Variants in MRE11 observed in about 807,000 individuals in gnomAD.
MRE11 encodes double-strand break repair protein MRE11.
In MRE11, 62 loss-of-function variants were observed where a neutral mutation model predicts 91.7. The ratio of observed to expected loss-of-function variants is 0.68; its 90% CI spans 0.55 to 0.84. MRE11 has a LOEUF of 0.84. Among genes scored for constraint, MRE11 ranks in the 40% least tolerant of loss-of-function variants. The pLI, the probability that MRE11 is intolerant of heterozygous loss-of-function variation, is 0.00. For synonymous variants in MRE11, 273 were observed against 271.4 expected (o/e 1.01, Z -0.06); for missense variants, 796 against 852.9 (o/e 0.93, Z 0.83).
At chr11:94,509,520 G>A in the MRE11 span, among the ~76,000 whole-genome samples, 2 of 152,124 alleles carry the variant, frequency 1.3e-5, no homozygotes, top group Admixed American at 1.3e-4. Flanking sequence ...TCAGCTCACT[G>A]CAACCTCTAC....
intron 18 of MRE11, among the ~76,000 whole-genome samples, chr11:94,432,970 TACAACAC>T (rs1434719752): frequency 6.6e-6 from 1 of 152,266 alleles, no homozygotes; most frequent in East Asian, 1.9e-4. Context: ...TATCATTCCC[TACAACAC>T]ATCTGTCCTT....
chr11:94,471,674 A>C lies in MRE11; in HGVS notation c.745T>G (p.Cys249Gly). Residue 249 changes from cysteine (C) to glycine (G), a missense_variant, in exon 8 of 20, where the codon TGT becomes GGT. Coordinates refer to ENST00000323929, the MANE Select transcript of MRE11 (RefSeq NM_005591.4). ...TCATTTTTGGTTGGAGCTATTTTACACTCATGTTCATGGCCCCAGATAACA... is the reference window on the plus strand; with the variant it reads ...TCATTTTTGGTTGGAGCTATTTTACCCTCATGTTCATGGCCCCAGATAACA... Reference protein sequence around the residue: ...DLVIWGHEHECKIAPTKNEQQ... With the variant: ...DLVIWGHEHEGKIAPTKNEQQ... The C allele has an allele frequency of 6.2e-7, 1 of 1,612,780 alleles. No homozygotes were observed. The highest frequency in any genetic ancestry group is 8.5e-7 in the Non-Finnish European group (1 of 1,179,182).
At chr11:94,426,109 A>C (rs1350108102) in intron 19 of MRE11, among the ~76,000 whole-genome samples, 1 of 152,324 alleles carries the variant, frequency 6.6e-6, no homozygotes, top group East Asian at 1.9e-4. Flanking sequence ...CAAAAAAATC[A>C]AAATCATACC....
At chr11:94,454,800 C>CTTT (rs1341523612) in intron 14 of MRE11, among the ~76,000 whole-genome samples, 1 of 151,916 alleles carries the variant, frequency 6.6e-6, no homozygotes, top group East Asian at 1.9e-4. Flanking sequence ...CTCACTCAAA[C>CTTT]GTAAAGAAAT....
chr11:94,453,288 A>G (rs1054765054), intron 14 of MRE11, among the ~76,000 whole-genome samples: 4 of 152,174 alleles, frequency 2.6e-5, no homozygotes, highest in Non-Finnish European at 5.9e-5. Context: ...TGCTACGAAC[A>G]CTGATGTACA....
chr11:94,422,902 G>A (rs780114248), intron 19 of MRE11, among the ~76,000 whole-genome samples: 21 of 151,984 alleles, frequency 1.4e-4, no homozygotes, highest in Non-Finnish European at 2.2e-4. Context: ...CAGTAGAGAC[G>A]GGGTTTCTCC....
chr11:94,501,776 C>T, the MRE11 span, among the ~76,000 whole-genome samples: 36 of 151,712 alleles, frequency 2.4e-4, no homozygotes, highest in East Asian at 2.5e-3. Flanking sequence ...AAAAACCCCT[C>T]GGTTTTCTCA....
chr11:94,483,627 C>G (rs1405244503), intron 4 of MRE11: 1 of 152,498 alleles, frequency 6.6e-6, no homozygotes, highest in Non-Finnish European at 1.5e-5. Flanking sequence ...AACTGAAAGT[C>G]CATTAAACCT....
At chr11:94,421,081 T>C (rs913769729) in intron 19 of MRE11, among the ~76,000 whole-genome samples, 1 of 151,808 alleles carries the variant, frequency 6.6e-6, no homozygotes, top group Admixed American at 6.6e-5. Flanking sequence ...ATTGTATGCA[T>C]GGTAAGAATA....
intron 11 of MRE11, among the ~76,000 whole-genome samples, chr11:94,463,709 C>T (rs956555405): frequency 6.6e-6 from 1 of 150,740 alleles, no homozygotes; most frequent in South Asian, 2.1e-4. Context: ...CATATTCTCA[C>T]TCATAGGTGG....
chr11:94,421,868 G>A (rs534342413), intron 19 of MRE11, among the ~76,000 whole-genome samples: 6 of 152,146 alleles, frequency 3.9e-5, no homozygotes, highest in South Asian at 2.1e-4. Flanking sequence ...TTCATAGAAA[G>A]AGAAAGTGGA....
chr11:94,442,045 CAG>C lies in MRE11; in HGVS notation c.1867+3763_1867+3764del, dbSNP rs1437829077. On this transcript the variant is annotated intron_variant, in intron 16 of 19. Coordinates refer to ENST00000323929, the MANE Select transcript of MRE11 (RefSeq NM_005591.4). ...CAGAATGTAGCACAGAAAGAGAAAA[CAG>C]AAAATACAAGAGTCATGTGAGGAGA... is the stretch of plus-strand genomic sequence containing the variant. Among the ~76,000 whole-genome samples, 3 of 129,680 alleles carry C rather than the reference CAG, an allele frequency of 2.3e-5. No individual in the cohort carries two copies. In the East Asian group the frequency reaches 6.8e-4, roughly 29 times the overall value. 85.1% of individuals were successfully genotyped at this position (129,680 alleles called of 152,430 possible). A position where few individuals can be genotyped will look rare whatever the true frequency, so the allele number is the denominator to read the frequency against.
chr11:94,501,771 C>A, the MRE11 span, among the ~76,000 whole-genome samples: 4 of 151,132 alleles, frequency 2.6e-5, no homozygotes, highest in African/African-American at 4.9e-5. Flanking sequence ...AAAAAAAAAA[C>A]CCCTCGGTTT....
rs772483607 is a variant in MRE11 at position 94,470,609 on chromosome 11, C to T, written c.879G>A (p.Lys293=). Residue 293 remains lysine (K), a synonymous_variant, in exon 9 of 20, where the codon AAG becomes AAA. Transcript: ENST00000323929. Reference sequence around the variant, plus strand: ...GAAGAGGAATTTTATGCATATTCATCTTCCTCCCTTTAATACGCAGCAAAC... The same window carrying T: ...GAAGAGGAATTTTATGCATATTCATTTTCCTCCCTTTAATACGCAGCAAAC... ...HVGLLRIKGR[K]MNMHKIPLHT... is the part of the protein sequence containing the mutation. 1.2e-5 allele frequency: 20 copies of T among 1,613,190 alleles called. No individual in the cohort carries two copies. The South Asian group carries it at 1.3e-4, about 11-fold the overall frequency.
In MRE11 at chr11:94,440,501, G is replaced by A. The variant is rs180881057; in HGVS notation, c.1868-3266C>T. Among the ~76,000 whole-genome samples the A allele has an allele frequency of 1.3e-4, 20 of 152,114 alleles. No individual in the cohort carries two copies. In the East Asian group the frequency reaches 3.1e-3, roughly 24 times the overall value. ...ACCAAGGAATTACCAGGCCAAAACTGAAGAAAAGCTAGAACTCAGAGAGGT... is the reference window on the plus strand; with the variant it reads ...ACCAAGGAATTACCAGGCCAAAACTAAAGAAAAGCTAGAACTCAGAGAGGT... On this transcript the variant is annotated intron_variant, in intron 16 of 19. Transcript: ENST00000323929.
chr11:94,447,097 A>T, intron 15 of MRE11, 122 bp downstream of exon 15: 1 of 1,033,244 alleles, frequency 9.7e-7, no homozygotes, highest in Non-Finnish European at 1.5e-6. Flanking sequence ...TTATAAAAAT[A>T]GATTTTTAAA....
At chr11:94,489,191 G>A (rs961759061) in intron 3 of MRE11, among the ~76,000 whole-genome samples, 5 of 152,006 alleles carry the variant, frequency 3.3e-5, no homozygotes, top group African/African-American at 1.2e-4. Flanking sequence ...AACAGTGCTT[G>A]GAAGTATCAG....
At chr11:94,496,601 C>G, upstream of MRE11, 1 of 1,181,024 alleles carries the variant, frequency 8.5e-7, no homozygotes, top group Non-Finnish European at 1.2e-6. Context: ...TTTGTGTTTT[C>G]AGATCTTGAT....
chr11:94,427,631 G>A (rs1945359830), intron 19 of MRE11, among the ~76,000 whole-genome samples: 1 of 151,958 alleles, frequency 6.6e-6, no homozygotes, highest in Non-Finnish European at 1.5e-5. Flanking sequence ...TTCTGTACCT[G>A]GAAAACCCTA....
Sources: allele counts gnomAD v4.1 joint callset (sites outside exome capture counted in the v4.1 genomes callset), GRCh38; gene constraint gnomAD v4.1.1; transcripts MANE v1.5; gene names NCBI Gene and HGNC (gene_info 2026-07-23, HGNC 2026-07-21).